The following DENND2C variants were observed in gnomAD, a reference collection of about 807,000 sequenced individuals.
DENND2C encodes the protein DENN domain containing 2C.
DENND2C carries 72 observed loss-of-function variants against 112.4 expected under a neutral mutation model. That is an observed-to-expected ratio of 0.64 (90% CI 0.53 to 0.78). The LOEUF (loss-of-function observed/expected upper bound fraction) is 0.78. Among genes scored for constraint, DENND2C ranks in the 30% least tolerant of loss-of-function variants. The pLI is 0.00. For missense variants in DENND2C, 992 were observed against 1,113.8 expected (o/e 0.89, Z 1.56); for synonymous variants, 329 against 381.6 (o/e 0.86, Z 1.61).
At chr1:114,595,793 T>G in intron 17 of DENND2C, 39 bp downstream of exon 17, 2 of 1,574,238 alleles carry the variant, frequency 1.3e-6, no homozygotes, top group Non-Finnish European at 1.7e-6. Flanking sequence ...AGTAGACATT[T>G]ATCCTAAAAC....
At chr1:114,665,573 T>C (rs993543621) in intron 1 of DENND2C, among the ~76,000 whole-genome samples, 9 of 152,210 alleles carry the variant, frequency 5.9e-5, no homozygotes, top group African/African-American at 2.2e-4. Flanking sequence ...TATCACATGT[T>C]GACTAACAAT....
In DENND2C at chr1:114,609,859, A is replaced by G. The variant is rs182085847; in HGVS notation, c.1370-986T>C. Among the ~76,000 whole-genome samples, 3 of 152,336 alleles carry G rather than the reference A, an allele frequency of 2.0e-5. No individual in the cohort carries two copies. In the East Asian group the frequency reaches 5.8e-4, roughly 29 times the overall value. On this transcript the variant is annotated intron_variant, in intron 9 of 20. Coordinates refer to ENST00000393274, the MANE Select transcript of DENND2C (RefSeq NM_001256404.2). ...AATTATCCAGTACATTCAGTGCTCT[A>G]GTCAAAGCTTTACTTACCTCAAAGG...
intron 3 of DENND2C, among the ~76,000 whole-genome samples, chr1:114,638,680 T>G (rs901467589): frequency 1.3e-5 from 2 of 150,406 alleles, no homozygotes; most frequent in African/African-American, 4.9e-5. Flanking sequence ...GGAGGATTGC[T>G]TGAGCCTGGG....
At chr1:114,620,833 CTG>C (rs1656143683) in intron 7 of DENND2C, among the ~76,000 whole-genome samples, 1 of 152,038 alleles carries the variant, frequency 6.6e-6, no homozygotes, top group Non-Finnish European at 1.5e-5. Flanking sequence ...AGAATTAAAA[CTG>C]TGGAATAGAA....
chr1:114,587,837 C>A lies in DENND2C; in HGVS notation c.2547G>T (p.Arg849Ser). Residue 849 changes from arginine (R) to serine (S), a missense_variant, in exon 19 of 21, where the codon AGG (arginine) becomes AGT (serine). This residue lies in a region of DENND2C where 516 missense variants were observed against 623.6 expected (regional missense o/e 0.83). Transcript: ENST00000393274. The stretch of plus-strand genomic sequence containing the variant: ...AGGTGTGGGACTTACGGAATGGTTC[C>A]CTTTGGAAAACACGCTCCCCACGCT... ...VTERGERVFQ[R>S]EPFRKSHTSR... 6.2e-7 allele frequency: 1 copy of A among 1,614,034 alleles called. No individual in the cohort carries two copies. Among genetic ancestry groups the A allele is most frequent in the South Asian group, 1.1e-5 (1 of 91,072 alleles).
chr1:114,595,095 TA>T (rs971005718), intron 17 of DENND2C, among the ~76,000 whole-genome samples: 2 of 152,138 alleles, frequency 1.3e-5, no homozygotes, highest in African/African-American at 4.8e-5. Context: ...TCTAAAACTT[TA>T]TGTGTGTCTG....
chr1:114,646,455 C>T (rs1656992234), intron 2 of DENND2C, among the ~76,000 whole-genome samples: 1 of 152,096 alleles, frequency 6.6e-6, no homozygotes, highest in South Asian at 2.1e-4. Context: ...GACTGTGACA[C>T]TTCTCATTTT....
chr1:114,623,406 A>C, intron 5 of DENND2C, 101 bp downstream of exon 5: 1 of 1,172,468 alleles, frequency 8.5e-7, no homozygotes, highest in Middle Eastern at 2.0e-4. Context: ...AAAAACCTAG[A>C]GCAATATATG....
chr1:114,604,062 G>A (rs1655591940), intron 11 of DENND2C, among the ~76,000 whole-genome samples: 1 of 152,154 alleles, frequency 6.6e-6, no homozygotes, highest in Non-Finnish European at 1.5e-5. Flanking sequence ...AGGCCACTAT[G>A]AAAGCTGCTG....
chr1:114,606,090 G>A (rs1347861324), intron 10 of DENND2C, among the ~76,000 whole-genome samples: 1 of 151,822 alleles, frequency 6.6e-6, no homozygotes, highest in Non-Finnish European at 1.5e-5. Flanking sequence ...CTTTTTTGTT[G>A]TTGTTGAGAA....
At chr1:114,637,470 G>T (rs1656689524) in intron 3 of DENND2C, among the ~76,000 whole-genome samples, 1 of 151,136 alleles carries the variant, frequency 6.6e-6, no homozygotes, top group Non-Finnish European at 1.5e-5. Context: ...AAAAAATAAA[G>T]AATAACTACA....
At chr1:114,587,584 C>G (rs541636744) in intron 19 of DENND2C, 111 bp from the exon 20 acceptor site, 11 of 1,432,420 alleles carry the variant, frequency 7.7e-6, no homozygotes, top group Non-Finnish European at 1.1e-5. Context: ...AACAATATTA[C>G]AAAATAATTC....
At chr1:114,635,026 TAAAAA>T (rs374636363) in intron 3 of DENND2C, among the ~76,000 whole-genome samples, 2 of 94,708 alleles carry the variant, frequency 2.1e-5, no homozygotes, top group Non-Finnish European at 2.0e-5. Context: ...AGACTCCGTC[TAAAAA>T]AAAAAAAAAA....
At chr1:114,639,430 A>C (rs1318423615) in intron 3 of DENND2C, among the ~76,000 whole-genome samples, 1 of 151,886 alleles carries the variant, frequency 6.6e-6, no homozygotes, top group Admixed American at 6.6e-5. Flanking sequence ...AATACAAAAA[A>C]TTAGCTAGAC....
chr1:114,592,554 C>A (rs941396928), intron 18 of DENND2C, among the ~76,000 whole-genome samples: 1 of 151,758 alleles, frequency 6.6e-6, no homozygotes, highest in Non-Finnish European at 1.5e-5. Flanking sequence ...CCCGTCTCTA[C>A]AAAAAATACA....
chr1:114,611,019 C>A lies in DENND2C; in HGVS notation c.1369+54G>T, dbSNP rs902525582. ...CTTAGTCACAAAGGTAGGTGCCACT[C>A]CACCTAACCCATGATCATCACAACA... On this transcript the variant is annotated intron_variant, in intron 9 of 20. Transcript: ENST00000393274. 4.4e-6 allele frequency: 7 copies of A among 1,592,380 alleles called. No homozygotes were observed. The Admixed American group carries it at 1.2e-4, about 27-fold the overall frequency.
intron 18 of DENND2C, among the ~76,000 whole-genome samples, chr1:114,588,714 C>T (rs1484498404): frequency 6.6e-6 from 1 of 152,300 alleles, no homozygotes; most frequent in Middle Eastern, 3.4e-3. Flanking sequence ...TATTTCCCCA[C>T]CAAATAAGTT....
In DENND2C at chr1:114,626,155, G is replaced by C; in HGVS notation, c.-171C>G. On this transcript the variant is annotated 5_prime_UTR_variant, in exon 4 of 21. Transcript: ENST00000393274. ...AAGAAAATTTTGATCAGTGATCCTT[G>C]TTGAAAATGGCTACAACCTGATCTT... 1.6e-6 allele frequency: 1 copy of C among 612,868 alleles called. No individual in the cohort carries two copies. The highest frequency in any genetic ancestry group is 1.8e-5 in the African/African-American group (1 of 54,588). The allele number at this position is 612,868 out of a possible 1,614,324, so 38.0% of individuals were successfully genotyped here. A position where few individuals can be genotyped will look rare whatever the true frequency, so the allele number is the denominator to read the frequency against.
At chr1:114,657,314 A>T (rs965336263) in intron 1 of DENND2C, among the ~76,000 whole-genome samples, 6 of 151,902 alleles carry the variant, frequency 3.9e-5, no homozygotes, top group Non-Finnish European at 7.4e-5. Context: ...TTACTGTACC[A>T]TCATATTTTA....
Sources: gnomAD v4.1 joint callset for allele counts (sites outside exome capture counted in the v4.1 genomes callset) on GRCh38, gnomAD v4.1.1 for gene constraint, gnomAD v4.1.1 regional missense constraint, MANE v1.5 for transcripts, NCBI Gene and HGNC (gene_info 2026-07-23, HGNC 2026-07-21) for gene names.